TERB1: variants seen among roughly 807,000 people sequenced by gnomAD.
TERB1 encodes the protein telomere repeats-binding bouquet formation protein 1.
In TERB1, 63 loss-of-function variants were observed where a neutral mutation model predicts 92.3. The ratio of observed to expected loss-of-function variants is 0.68; its 90% CI spans 0.56 to 0.84. The LOEUF (loss-of-function observed/expected upper bound fraction) is 0.84, where lower values mean the gene tolerates loss of function less well. TERB1 is among the 40% of genes least tolerant of loss of function. The pLI is 0.00. For missense variants in TERB1, 709 were observed against 843.7 expected (o/e 0.84, Z 1.98); for synonymous variants, 252 against 283.9 (o/e 0.89, Z 1.13).
chr16:66,767,529 T>C lies in TERB1; in HGVS notation c.1685-19A>G. The C allele has an allele frequency of 8.6e-7, 1 of 1,162,864 alleles. No homozygotes were observed. The highest frequency in any genetic ancestry group is 1.2e-6 in the Non-Finnish European group (1 of 827,688). 72.0% of individuals were successfully genotyped at this position (1,162,864 alleles called of 1,614,324 possible). A position where few individuals can be genotyped will look rare whatever the true frequency, so the allele number is the denominator to read the frequency against. ...AATGGATCTGAAAAAAATTGCAAAA[T>C]GAAGGATTTTTGGATTAATGAAAAG... On this transcript the variant is annotated intron_variant, in intron 15 of 18. Coordinates refer to ENST00000433154, the MANE Select transcript of TERB1 (RefSeq NM_001136505.2).
chr16:66,778,879 T>C lies in TERB1; in HGVS notation c.837A>G (p.Ala279=), dbSNP rs1386993802. 3 of 1,504,368 alleles carry C rather than the reference T, an allele frequency of 2.0e-6. No homozygotes were observed. The highest frequency in any genetic ancestry group is 9.0e-7 in the Non-Finnish European group (1 of 1,115,296). 93.2% of individuals were successfully genotyped at this position (1,504,368 alleles called of 1,614,324 possible). A position where few individuals can be genotyped will look rare whatever the true frequency, so the allele number is the denominator to read the frequency against. Residue 279 remains alanine (A), a synonymous_variant, in exon 10 of 19, where the codon GCA becomes GCG. Transcript: ENST00000433154. The stretch of plus-strand genomic sequence containing the variant: ...GTCACTCACGATTATCAGCAATGCA[T>C]GCATCCACAGTCTTCGTCACAACCA... ...LAVVVTKTVD[A]CIADNPTFGI... is the part of the protein sequence containing the mutation.
chr16:66,789,017 C>CAAAAAAAA lies in TERB1; in HGVS notation c.272-728_272-721dup, dbSNP rs57876042. ...TAGTGGAAAGTGGTGGGTATGGTAC[C>CAAAAAAAA]AAAAAAAAAAAAAAAAAAAAAGAAA... On this transcript the variant is annotated intron_variant, in intron 5 of 18. Coordinates refer to ENST00000433154, the MANE Select transcript of TERB1 (RefSeq NM_001136505.2). Among the ~76,000 whole-genome samples the CAAAAAAAA allele has an allele frequency of 1.6e-3, 111 of 67,874 alleles. 1 individual carries two copies. Among genetic ancestry groups the CAAAAAAAA allele is most frequent in the Middle Eastern group, 8.8e-3 (1 of 114 alleles). 44.5% of individuals were successfully genotyped at this position (67,874 alleles called of 152,430 possible). A position where few individuals can be genotyped will look rare whatever the true frequency, so the allele number is the denominator to read the frequency against.
intron 10 of TERB1, among the ~76,000 whole-genome samples, chr16:66,778,607 T>C (rs1462687577): frequency 1.3e-5 from 2 of 151,756 alleles, no homozygotes; most frequent in Non-Finnish European, 2.9e-5. Flanking sequence ...TAGTAGAGAT[T>C]AGGTTTCACC....
chr16:66,793,683 T>C (rs1452245777), intron 3 of TERB1, among the ~76,000 whole-genome samples: 3 of 152,052 alleles, frequency 2.0e-5, no homozygotes, highest in Admixed American at 2.0e-4. Flanking sequence ...AGCTAAATTT[T>C]TTTTATTTTA....
At chr16:66,789,990 C>G (rs994991265) in intron 5 of TERB1, among the ~76,000 whole-genome samples, 1 of 151,940 alleles carries the variant, frequency 6.6e-6, no homozygotes, top group African/African-American at 2.4e-5. Flanking sequence ...GGATTATAGG[C>G]GTGAGCCACC....
chr16:66,791,543 A>G (rs1435990509), intron 3 of TERB1, among the ~76,000 whole-genome samples: 1 of 152,154 alleles, frequency 6.6e-6, no homozygotes, highest in Non-Finnish European at 1.5e-5. Flanking sequence ...CTTTGAGAAG[A>G]GCAACAAAAC....
At chr16:66,759,101 A>T (rs1485085613) in intron 17 of TERB1, 40 bp downstream of exon 17, 1 of 1,441,600 alleles carries the variant, frequency 6.9e-7, no homozygotes, top group Admixed American at 2.4e-5. Flanking sequence ...TTCAGAAGGT[A>T]TAGCCATAAT....
chr16:66,766,038 A>AT (rs1476558931), intron 16 of TERB1, among the ~76,000 whole-genome samples: 49 of 142,676 alleles, frequency 3.4e-4, no homozygotes, highest in African/African-American at 1.2e-3. Context: ...CGCCCGGCTA[A>AT]TTTTTTGTAT....
At chr16:66,774,999 G>C in intron 12 of TERB1, 119 bp downstream of exon 12, 1 of 1,095,210 alleles carries the variant, frequency 9.1e-7, no homozygotes, top group Admixed American at 2.3e-5. Context: ...GCAGGGCCTA[G>C]TCTGCTTTTC....
rs756905056 is a variant in TERB1, at chr16:66,785,846, T to C, written c.640A>G (p.Thr214Ala). 6.5e-7 allele frequency: 1 copy of C among 1,549,500 alleles called. No individual in the cohort carries two copies. The highest frequency in any genetic ancestry group is 8.7e-7 in the Non-Finnish European group (1 of 1,146,076). ...ATAGGGCGAATTATCTCAGGTGTCGTGCAATTTTTTAGCCATTCATTAGCA... is the reference window on the plus strand; with the variant it reads ...ATAGGGCGAATTATCTCAGGTGTCGCGCAATTTTTTAGCCATTCATTAGCA... ...PHANEWLKNC[T>A]TPEIIRPICS... Residue 214 changes from threonine to alanine, a missense_variant, in exon 9 of 19, where the codon ACG becomes GCG. Transcript: ENST00000433154.
chr16:66,790,919 A>G lies in TERB1; in HGVS notation c.132T>C (p.Cys44=), dbSNP rs1488558299. Residue 44 remains cysteine (C), a synonymous_variant, in exon 4 of 19, where the codon TGT becomes TGC. Transcript: ENST00000433154. ...ACTATTATATCTTACTGTTTTGTTG[A>G]CAAATTGAATGAATAGTGACCAAAG... ...KEALVTIHSI[C]QQNSNASVYF... The G allele has an allele frequency of 6.5e-7, 1 of 1,545,018 alleles. No homozygotes were observed. The highest frequency in any genetic ancestry group is 1.2e-5 in the South Asian group (1 of 83,212).
intron 16 of TERB1, among the ~76,000 whole-genome samples, chr16:66,762,544 C>G (rs2018269862): frequency 6.6e-6 from 1 of 151,920 alleles, no homozygotes; most frequent in Admixed American, 6.6e-5. Flanking sequence ...TCCACCACAC[C>G]TGGCTAATTT....
chr16:66,778,440 T>A (rs1020066603), intron 10 of TERB1, among the ~76,000 whole-genome samples: 4 of 150,664 alleles, frequency 2.7e-5, no homozygotes, highest in African/African-American at 7.3e-5. Flanking sequence ...CCAGATGGAG[T>A]TTTGTACTTG....
Position 66,790,902 on chromosome 16 carries a change from A to C in TERB1, c.142+7T>G. 1 of 1,526,088 alleles carries C rather than the reference A, an allele frequency of 6.6e-7. No homozygotes were observed. The highest frequency in any genetic ancestry group is 8.9e-7 in the Non-Finnish European group (1 of 1,126,110). 94.5% of individuals were successfully genotyped at this position (1,526,088 alleles called of 1,614,324 possible). A position where few individuals can be genotyped will look rare whatever the true frequency, so the allele number is the denominator to read the frequency against. ...ATCACAGATAAAAATTCACTATTAT[A>C]TCTTACTGTTTTGTTGACAAATTGA... On this transcript the variant is annotated splice_region_variant and intron_variant, in intron 4 of 18. Transcript: ENST00000433154.
chr16:66,797,314 C>T (rs761656940), intron 2 of TERB1, among the ~76,000 whole-genome samples: 103 of 151,086 alleles, frequency 6.8e-4, no homozygotes, highest in Non-Finnish European at 1.3e-3. Context: ...CGACTCCCTG[C>T]AGCCTTGACC....
In TERB1 at chr16:66,772,770, C is replaced by A; in HGVS notation, c.1112-21G>T. ...CTCAGCTTTGTAGTATGGGAAAAAA[C>A]AATGAATGAAAAGTTATTTAAACAC... On this transcript the variant is annotated intron_variant, in intron 12 of 18. Coordinates refer to ENST00000433154, the MANE Select transcript of TERB1 (RefSeq NM_001136505.2). The A allele has an allele frequency of 2.0e-6, 3 of 1,508,814 alleles. 1 individual carries two copies. The South Asian group carries it at 3.8e-5, about 19-fold the overall frequency. 93.5% of individuals were successfully genotyped at this position (1,508,814 alleles called of 1,614,324 possible).
intron 10 of TERB1, among the ~76,000 whole-genome samples, chr16:66,777,711 A>G (rs1029652151): frequency 6.6e-6 from 1 of 152,202 alleles, no homozygotes; most frequent in Non-Finnish European, 1.5e-5. Context: ...TCTTATCTAG[A>G]TTGGATAGTA....
intron 6 of TERB1, among the ~76,000 whole-genome samples, chr16:66,786,750 T>C (rs370322910): frequency 6.6e-6 from 1 of 152,212 alleles, no homozygotes; most frequent in East Asian, 1.9e-4. Flanking sequence ...ATCCTCCCCA[T>C]GGAAACAATA....
intron 9 of TERB1, among the ~76,000 whole-genome samples, chr16:66,779,833 C>T (rs1200192293): frequency 6.6e-6 from 1 of 152,202 alleles, no homozygotes; most frequent in African/African-American, 2.4e-5. Context: ...CATATTTACA[C>T]CTAATTATTT....
Sources: gnomAD v4.1 joint callset for allele counts (sites outside exome capture counted in the v4.1 genomes callset) on GRCh38, gnomAD v4.1.1 for gene constraint, MANE v1.5 for transcripts, NCBI Gene and HGNC (gene_info 2026-07-23, HGNC 2026-07-21) for gene names.